BLK: variants seen among roughly 807,000 people sequenced by gnomAD.
The protein encoded by BLK is BLK proto-oncogene, Src family tyrosine kinase.
BLK carries 64 observed loss-of-function variants against 61.8 expected under a neutral mutation model. That is an observed-to-expected ratio of 1.03 (90% CI 0.85 to 1.27). The LOEUF (loss-of-function observed/expected upper bound fraction) is 1.27. BLK is among the 50% of genes most tolerant of loss of function. BLK has a pLI of 0.00. For missense variants in BLK, 853 were observed against 660.5 expected, an observed-to-expected ratio of 1.29 and a Z score of -3.19; for synonymous variants, 351 against 272.0, an observed-to-expected ratio of 1.29 and a Z score of -2.86.
At chr8:11,554,367 A>G (rs1038122102) in intron 6 of BLK, among the ~76,000 whole-genome samples, 4 of 152,302 alleles carry the variant, frequency 2.6e-5, no homozygotes, top group South Asian at 4.1e-4. Context: ...CAGAAAATAA[A>G]GCCCCTAGTC....
At chr8:11,553,475 G>A in intron 6 of BLK, 1 of 396,400 alleles carries the variant, frequency 2.5e-6, no homozygotes, top group Non-Finnish European at 5.1e-6. Context: ...CGGGGCCTCA[G>A]AGCAGCCAGG....
At chr8:11,549,742 AC>A (rs1419676116) in intron 5 of BLK, among the ~76,000 whole-genome samples, 3 of 151,956 alleles carry the variant, frequency 2.0e-5, no homozygotes, top group Non-Finnish European at 2.9e-5. Context: ...GCACAGAACA[AC>A]CCCATACCGA....
chr8:11,549,899 CA>C, intron 5 of BLK: 1 of 502,334 alleles, frequency 2.0e-6, no homozygotes, highest in African/African-American at 1.9e-5. Flanking sequence ...GCAAAATTAA[CA>C]AAGGTCAACC....
chr8:11,522,236 C>T (rs889632032), intron 1 of BLK, among the ~76,000 whole-genome samples: 1 of 151,874 alleles, frequency 6.6e-6, no homozygotes, highest in Non-Finnish European at 1.5e-5. Flanking sequence ...ATGAATAGGC[C>T]GTATACAGAG....
chr8:11,549,159 C>A (rs1427413852), intron 5 of BLK, 37 bp downstream of exon 5: 1 of 1,541,096 alleles, frequency 6.5e-7, no homozygotes, highest in Non-Finnish European at 8.8e-7. Flanking sequence ...AGCCAAGATG[C>A]AGTCACTGTT....
At chr8:11,559,450 TAC>T (rs1046449525) in intron 10 of BLK, among the ~76,000 whole-genome samples, 11 of 149,968 alleles carry the variant, frequency 7.3e-5, no homozygotes, top group Non-Finnish European at 1.0e-4. Flanking sequence ...GACACACAAA[TAC>T]ACAGACTCAG....
At chr8:11,513,534 G>A (rs965069328) in intron 1 of BLK, among the ~76,000 whole-genome samples, 4 of 152,144 alleles carry the variant, frequency 2.6e-5, no homozygotes, top group African/African-American at 9.7e-5. Context: ...CTAAATCTGC[G>A]ATGCAATCAT....
At chr8:11,560,281 GGATC>G (rs1801445081) in intron 10 of BLK, 1 of 184,606 alleles carries the variant, frequency 5.4e-6, no homozygotes, top group Non-Finnish European at 1.1e-5. Flanking sequence ...ATGGATGGAT[GGATC>G]CATGGATGGA....
intron 1 of BLK, among the ~76,000 whole-genome samples, chr8:11,517,355 A>G (rs1487765649): frequency 1.3e-5 from 2 of 152,198 alleles, no homozygotes; most frequent in Non-Finnish European, 2.9e-5. Flanking sequence ...ATGGAAATTG[A>G]CCAGGAACTC....
At chr8:11,545,364 C>T (rs1171543009) in intron 2 of BLK, among the ~76,000 whole-genome samples, 1 of 152,184 alleles carries the variant, frequency 6.6e-6, no homozygotes, top group Non-Finnish European at 1.5e-5. Flanking sequence ...GCCTGGCCAA[C>T]ATGGCGAAAA....
In BLK at chr8:11,554,845, G is replaced by A. The variant is rs761710037; in HGVS notation, c.575G>A (p.Arg192Gln). 1.7e-5 allele frequency: 27 copies of A among 1,613,862 alleles called. No homozygotes were observed. The highest frequency in any genetic ancestry group is 1.7e-4 in the Middle Eastern group (1 of 6,038). The change falls in exon 7 of 13, where the codon CGG (arginine) becomes CAG (glutamine). Residue 192 changes from arginine to glutamine, a missense_variant. By Grantham distance (43) the Arg-to-Gln change is conservative (BLOSUM62 1). Transcript: ENST00000259089. ...LDEGGYYISP[R>Q]ITFPSLQALV... The stretch of plus-strand genomic sequence containing the variant: ...GAAGGGGGCTACTACATCTCCCCCC[G>A]GATCACCTTCCCCTCGCTCCAGGCC...
chr8:11,564,467 G>C lies in BLK; in HGVS notation c.*359G>C. Reference sequence around the variant, plus strand: ...GTGCTGGCCGCGTCCCCGCCTCTGCGCCCTGCGTGGACCCCGCCCTGCCCC... The same window carrying C: ...GTGCTGGCCGCGTCCCCGCCTCTGCCCCCTGCGTGGACCCCGCCCTGCCCC... On this transcript the variant is annotated 3_prime_UTR_variant, in exon 13 of 13. Transcript: ENST00000259089. 5.5e-6 allele frequency: 3 copies of C among 541,198 alleles called. No homozygotes were observed. Among genetic ancestry groups the C allele is most frequent in the South Asian group, 4.6e-5 (3 of 65,244 alleles). 33.5% of individuals were successfully genotyped at this position (541,198 alleles called of 1,614,324 possible). A position where few individuals can be genotyped will look rare whatever the true frequency, so the allele number is the denominator to read the frequency against.
intron 1 of BLK, among the ~76,000 whole-genome samples, chr8:11,501,375 A>G (rs550655694): frequency 1.4e-5 from 2 of 146,626 alleles, no homozygotes; most frequent in East Asian, 4.0e-4. Context: ...TTTTTAACAC[A>G]TTAGCATGGA....
At chr8:11,537,037 G>C (rs913566126) in intron 1 of BLK, among the ~76,000 whole-genome samples, 4 of 152,186 alleles carry the variant, frequency 2.6e-5, no homozygotes, top group African/African-American at 9.7e-5. Flanking sequence ...ATGAATAGAA[G>C]AACCTCGTTG....
At chr8:11,545,457 G>A (rs894066132) in intron 2 of BLK, among the ~76,000 whole-genome samples, 2 of 152,182 alleles carry the variant, frequency 1.3e-5, no homozygotes, top group Non-Finnish European at 1.5e-5. Flanking sequence ...GCTGAGGCAC[G>A]AGAATTGCTT....
rs1801254799 is a variant in BLK at position 11,556,806 on chromosome 8, C to A, written c.921C>A (p.Pro307=). 2 of 1,614,168 alleles carry A rather than the reference C, an allele frequency of 1.2e-6. No individual in the cohort carries two copies. The highest frequency in any genetic ancestry group is 1.7e-5 in the Admixed American group (1 of 60,024). The change falls in exon 9 of 13, where the codon CCC becomes CCA. Residue 307 remains proline, a synonymous_variant. Transcript: ENST00000259089. ...VRLYAVVTKE[P]IYIVTEYMAR... is the part of the protein sequence containing the mutation. ...TCTACGCAGTGGTCACCAAGGAGCC[C>A]ATCTACATTGTCACCGAGTACATGG... is the stretch of plus-strand genomic sequence containing the variant.
intron 1 of BLK, among the ~76,000 whole-genome samples, chr8:11,510,890 A>G (rs1352250164): frequency 6.6e-6 from 1 of 152,220 alleles, no homozygotes. Flanking sequence ...CTAATTGCTA[A>G]TGTGTTAAAG....
At chr8:11,521,918 A>T (rs926899349) in intron 1 of BLK, among the ~76,000 whole-genome samples, 6 of 151,990 alleles carry the variant, frequency 3.9e-5, no homozygotes, top group Non-Finnish European at 5.9e-5. Context: ...GCCTTTTCTT[A>T]TGCATAAAAT....
At chr8:11,544,524 T>G (rs1800533977) in intron 2 of BLK, among the ~76,000 whole-genome samples, 1 of 152,198 alleles carries the variant, frequency 6.6e-6, no homozygotes, top group Admixed American at 6.5e-5. Context: ...ACAAGATGTT[T>G]ATTGAATAAA....
Sources: gnomAD v4.1 joint callset for allele counts (sites outside exome capture counted in the v4.1 genomes callset) on GRCh38, gnomAD v4.1.1 for gene constraint, MANE v1.5 for transcripts, NCBI Gene and HGNC (gene_info 2026-07-23, HGNC 2026-07-21) for gene names.